DNAH17: variants seen among roughly 807,000 people sequenced by gnomAD.
DNAH17 encodes axonemal beta dynein heavy chain 17.
Under a neutral mutation model 485.6 loss-of-function variants are expected in DNAH17, and 376 were observed. The observed-to-expected ratio is 0.77, with a 90% confidence interval of 0.71 to 0.84. DNAH17 has a LOEUF of 0.84. DNAH17 is among the 40% of genes least tolerant of loss of function. The probability of loss-of-function intolerance (pLI) is 0.00; values close to 1 mark genes in which losing one functional copy is unlikely to be tolerated. For synonymous variants in DNAH17, 3,031 were observed against 2,405.9 expected (o/e 1.26, Z -7.60); for missense variants, 6,370 against 5,839.3 (o/e 1.09, Z -2.96).
At chr17:78,493,081 T>C (rs1288207919) in intron 41 of DNAH17, 5 of 207,488 alleles carry the variant, frequency 2.4e-5, no homozygotes, top group South Asian at 7.5e-5. Flanking sequence ...AAACTCCTGA[T>C]CTCAGGTGAT....
At chr17:78,554,470 A>G (rs999395756) in intron 14 of DNAH17, among the ~76,000 whole-genome samples, 6 of 111,158 alleles carry the variant, frequency 5.4e-5, no homozygotes, top group African/African-American at 2.2e-4. Flanking sequence ...AAAAAAAAAA[A>G]AGGATAGGTT....
chr17:78,495,747 G>A (rs1209514945), intron 38 of DNAH17, 128 bp downstream of exon 38: 12 of 1,161,908 alleles, frequency 1.0e-5, no homozygotes, highest in Non-Finnish European at 1.4e-5. Flanking sequence ...CATCTTGGGA[G>A]CTTTTGATGA....
intron 12 of DNAH17, 66 bp downstream of exon 12, chr17:78,561,649 C>A: frequency 6.6e-7 from 1 of 1,508,512 alleles, no homozygotes; most frequent in Admixed American, 2.1e-5. Flanking sequence ...GGGGTTGGGA[C>A]AGTCCCTCTC....
At chr17:78,556,760 C>G (rs1255937170) in intron 14 of DNAH17, among the ~76,000 whole-genome samples, 4 of 152,262 alleles carry the variant, frequency 2.6e-5, no homozygotes, top group African/African-American at 9.6e-5. Context: ...AACCCGAATG[C>G]CCATCAACAG....
intron 76 of DNAH17, 64 bp from the exon 77 acceptor site, chr17:78,428,771 G>C: frequency 6.3e-7 from 1 of 1,575,776 alleles, no homozygotes; most frequent in Non-Finnish European, 8.7e-7. Flanking sequence ...ATGTCCTGTT[G>C]GTTAAGCATT....
chr17:78,560,900 T>C lies in DNAH17; in HGVS notation c.1871A>G (p.Gln624Arg), dbSNP rs61742179. The change falls in exon 13 of 81, where the codon CAG becomes CGG. Residue 624 changes from glutamine to arginine, a missense_variant. Transcript: ENST00000389840. ...CAGCTCCATCATCTCGTCATACTTC[T>C]GATAGGTCAGCTTGGCCTCTGCTCC... is the stretch of plus-strand genomic sequence containing the variant. ...MSGAEAKLTYQKYDEMMELLR... is the reference protein window; with the variant it reads ...MSGAEAKLTYRKYDEMMELLR... 1.7e-3 allele frequency: 2,634 copies of C among 1,551,204 alleles called. 44 individuals carry two copies. The African/African-American group carries it at 0.033, about 20-fold the overall frequency.
chr17:78,500,213 G>A, intron 36 of DNAH17, 92 bp downstream of exon 36: 1 of 1,380,056 alleles, frequency 7.2e-7, no homozygotes, highest in East Asian at 2.5e-5. Flanking sequence ...CAGAGATCTG[G>A]AGTTTACTGT....
Position 78,423,986 on chromosome 17 carries a change from CAT to C in DNAH17, c.13307_13308del (p.Tyr4436CysfsTer5), listed in dbSNP as rs755577173. ...VYKTRIRGPT[Y>X]VWTFNLKTKE... Reference sequence around the variant, plus strand: ...TTGGTCTTCAAGTTAAAGGTCCAGACATAGGTGGGGCCGCGGATGCGTGTTTT... The same window carrying C: ...TTGGTCTTCAAGTTAAAGGTCCAGACAGGTGGGGCCGCGGATGCGTGTTTT... On this transcript the variant is annotated frameshift_variant, in exon 81 of 81. Transcript: ENST00000389840. LOFTEE classifies it high-confidence loss of function. 6.2e-7 allele frequency: 1 copy of C among 1,614,056 alleles called. No homozygotes were observed. The highest frequency in any genetic ancestry group is 8.5e-7 in the Non-Finnish European group (1 of 1,179,912).
chr17:78,511,604 G>T (rs2090637916), intron 26 of DNAH17, among the ~76,000 whole-genome samples: 1 of 152,208 alleles, frequency 6.6e-6, no homozygotes, highest in African/African-American at 2.4e-5. Flanking sequence ...CTTGCCTAGT[G>T]CCACCCACTT....
chr17:78,426,014 T>C (rs375681518), intron 79 of DNAH17, among the ~76,000 whole-genome samples: 2 of 152,128 alleles, frequency 1.3e-5, no homozygotes, highest in African/African-American at 2.4e-5. Context: ...CTGCCTGCCT[T>C]GGTCTCCCAA....
chr17:78,468,630 C>G lies in DNAH17; in HGVS notation c.8765G>C (p.Arg2922Pro), dbSNP rs373886366. 2 of 1,613,064 alleles carry G rather than the reference C, an allele frequency of 1.2e-6. No individual in the cohort carries two copies. The highest frequency in any genetic ancestry group is 2.7e-5 in the African/African-American group (2 of 74,926). ...CGGGAGCCCCACCTTGAGCTGTCTG[C>G]GCACTTTTTCGATGAAGAACTTCCA... The part of the protein sequence containing the change: ...TCWKFFIEKV[R>P]RQLKVILCFS... Residue 2922 changes from arginine to proline, a missense_variant, in exon 55 of 81, where the codon CGC becomes CCC. By Grantham distance (103) the Arg-to-Pro change is moderately radical (BLOSUM62 -2). Transcript: ENST00000389840.
In DNAH17 at chr17:78,559,816, C is replaced by T. The variant is rs1004123156; in HGVS notation, c.2031+924G>A. On this transcript the variant is annotated intron_variant, in intron 13 of 80. Coordinates refer to ENST00000389840, the MANE Select transcript of DNAH17 (RefSeq NM_173628.4). Reference sequence around the variant, plus strand: ...CCTACGACCTTCCCCTTTGCCCATTCCCCCGCCCCACTGGCCTCCTTGCTG... The same window carrying T: ...CCTACGACCTTCCCCTTTGCCCATTTCCCCGCCCCACTGGCCTCCTTGCTG... Among the ~76,000 whole-genome samples the T allele has an allele frequency of 2.0e-5, 3 of 152,116 alleles. No homozygotes were observed. The South Asian group carries it at 6.2e-4, about 32-fold the overall frequency.
rs188617315 is a variant in DNAH17 at position 78,490,808 on chromosome 17, G to A, written c.6709C>T (p.Arg2237Cys). ...ATTTCGAACACCAGCCTCATGGTGC[G>A]GTTCAGGGGGATCCGCTCGTTGCTG... ...LASNERIPLN[R>C]TMRLVFEISH... is the part of the protein sequence containing the mutation. The change falls in exon 44 of 81, where the codon CGC becomes TGC. Residue 2237 changes from arginine (R) to cysteine (C), a missense_variant. Arg to Cys is a radical substitution (Grantham distance 180). Coordinates refer to ENST00000389840, the MANE Select transcript of DNAH17 (RefSeq NM_173628.4). 5.0e-6 allele frequency: 8 copies of A among 1,604,200 alleles called. No homozygotes were observed. Among genetic ancestry groups the A allele is most frequent in the Admixed American group, 1.7e-5 (1 of 58,636 alleles).
In DNAH17 at chr17:78,505,333, T is replaced by C; in HGVS notation, c.4916A>G (p.Glu1639Gly). Residue 1639 changes from glutamate (E) to glycine (G), a missense_variant, in exon 31 of 81, where the codon GAG becomes GGG. Coordinates refer to ENST00000389840, the MANE Select transcript of DNAH17 (RefSeq NM_173628.4). ...VGLGMYSKED[E>G]YMVFDQECDL... Reference sequence around the variant, plus strand: ...GCATTCCTGATCAAAAACCATGTACTCGTCCTCCTTGCTGTACATTCCCAG... The same window carrying C: ...GCATTCCTGATCAAAAACCATGTACCCGTCCTCCTTGCTGTACATTCCCAG... 6.2e-7 allele frequency: 1 copy of C among 1,613,914 alleles called. No homozygotes were observed. Among genetic ancestry groups the C allele is most frequent in the Non-Finnish European group, 8.5e-7 (1 of 1,179,866 alleles).
chr17:78,450,953 G>A (rs2087522965), intron 66 of DNAH17, 107 bp from the exon 67 acceptor site: 31 of 1,406,768 alleles, frequency 2.2e-5, no homozygotes, highest in Middle Eastern at 4.6e-4. Flanking sequence ...GGCTTTGAGC[G>A]GGAGGAACGA....
At chr17:78,510,617 C>T in intron 26 of DNAH17, 111 bp from the exon 27 acceptor site, 3 of 1,455,704 alleles carry the variant, frequency 2.1e-6, no homozygotes, top group Non-Finnish European at 1.9e-6. Flanking sequence ...TCCCGGGCTG[C>T]TGGAGGGAGG....
chr17:78,465,900 C>A (rs2088423579), intron 56 of DNAH17, among the ~76,000 whole-genome samples: 2 of 151,960 alleles, frequency 1.3e-5, no homozygotes, highest in African/African-American at 4.8e-5. Flanking sequence ...AGGAGCCCCT[C>A]TGCCCGGCCA....
intron 37 of DNAH17, among the ~76,000 whole-genome samples, chr17:78,498,254 C>T (rs541618878): frequency 2.0e-5 from 3 of 152,350 alleles, no homozygotes; most frequent in Admixed American, 2.0e-4. Flanking sequence ...TGCACGTCCA[C>T]ACCCCACATG....
At chr17:78,476,351 TCG>T (rs2089021505) in intron 52 of DNAH17, among the ~76,000 whole-genome samples, 2 of 91,844 alleles carry the variant, frequency 2.2e-5, no homozygotes, top group African/African-American at 1.1e-4. Flanking sequence ...GCCGGAGTTA[TCG>T]CGTGGAACCC....
Sources: allele counts gnomAD v4.1 joint callset (sites outside exome capture counted in the v4.1 genomes callset), GRCh38; gene constraint gnomAD v4.1.1; transcripts MANE v1.5; gene names NCBI Gene and HGNC (gene_info 2026-07-23, HGNC 2026-07-21).